Variants in NFIB observed in about 807,000 individuals in gnomAD.
The protein encoded by NFIB is nuclear factor 1 B-type.
In NFIB, 11 loss-of-function variants were observed where a neutral mutation model predicts 61.5. The observed-to-expected ratio is 0.18, with a 90% confidence interval of 0.11 to 0.30. NFIB has a LOEUF of 0.30. Ranked by LOEUF, NFIB falls within the 10% of genes least tolerant of loss-of-function variation. NFIB has a pLI of 1.00. For missense variants in NFIB, 471 were observed against 608.9 expected (o/e 0.77, Z 2.38); for synonymous variants, 260 against 216.5 (o/e 1.20, Z -1.76).
chr9:14,513,281 G>T, the NFIB span, among the ~76,000 whole-genome samples: 43 of 151,870 alleles, frequency 2.8e-4, no homozygotes, highest in Admixed American at 1.2e-3. Flanking sequence ...TCCTAGATTT[G>T]TTTTCCCCAT....
rs150462247 is a variant in NFIB at position 14,240,282 on chromosome 9, T to C, written c.563-60502A>G. Among the ~76,000 whole-genome samples the C allele has an allele frequency of 8.4e-3, 1,275 of 152,184 alleles. 24 individuals are homozygous for C. The highest frequency in any genetic ancestry group is 0.029 in the African/African-American group (1,188 of 41,520). ...CCCTCTCTCTTTCTCTCCCTCTCTC[T>C]CAATAGATAATATTACCCTACTATA... On this transcript the variant is annotated intron_variant, in intron 2 of 10. Transcript: ENST00000380953.
intron 1 of NFIB, among the ~76,000 whole-genome samples, chr9:14,351,636 TTCTG>T (rs1408236603): frequency 1.3e-5 from 2 of 152,226 alleles, no homozygotes; most frequent in African/African-American, 4.8e-5. Context: ...CTCCAGCCCT[TTCTG>T]TCTATCCTAG....
chr9:14,187,011 G>GTGTGTGTGTGTGTA (rs2047412697), intron 2 of NFIB, among the ~76,000 whole-genome samples: 2 of 32,022 alleles, frequency 6.2e-5, no homozygotes. Flanking sequence ...GCTCCTGTGT[G>GTGTGTGTGTGTGTA]TGTGTGTGTG....
chr9:14,376,985 G>A (rs1167638511), intron 1 of NFIB, among the ~76,000 whole-genome samples: 3 of 151,958 alleles, frequency 2.0e-5, no homozygotes, highest in Non-Finnish European at 4.4e-5. Flanking sequence ...TATACTCAAG[G>A]CCAAAATTTC....
At chr9:14,379,512 A>G (rs1271287164) in intron 1 of NFIB, among the ~76,000 whole-genome samples, 2 of 152,202 alleles carry the variant, frequency 1.3e-5, no homozygotes, top group Non-Finnish European at 2.9e-5. Flanking sequence ...AACGAAAATA[A>G]GAATAATGTT....
chr9:14,134,897 C>CAAAAAAAAAAAAAAAAA (rs57014530), intron 6 of NFIB, among the ~76,000 whole-genome samples: 26 of 64,326 alleles, frequency 4.0e-4, no homozygotes, highest in African/African-American at 1.1e-3. Context: ...GACTCTGTCT[C>CAAAAAAAAAAAAAAAAA]AAAAAAAAAA....
the NFIB span, among the ~76,000 whole-genome samples, chr9:14,420,217 A>C: frequency 2.6e-5 from 4 of 151,948 alleles, no homozygotes; most frequent in Admixed American, 2.6e-4. Flanking sequence ...GAGGCCGAGA[A>C]GGGCAGATCA....
intron 2 of NFIB, among the ~76,000 whole-genome samples, chr9:14,289,018 A>G (rs1041951792): frequency 2.0e-5 from 3 of 151,290 alleles, no homozygotes; most frequent in East Asian, 1.9e-4. Flanking sequence ...AAATAAAAGG[A>G]TTTAATATAC....
intron 6 of NFIB, among the ~76,000 whole-genome samples, chr9:14,133,188 TAA>T (rs1563818690): frequency 5.9e-5 from 9 of 151,956 alleles, no homozygotes; most frequent in Non-Finnish European, 5.9e-5. Flanking sequence ...AGATTTTTTT[TAA>T]AAGAGTTTTC....
chr9:14,407,918 C>T, the NFIB span, among the ~76,000 whole-genome samples: 1 of 152,054 alleles, frequency 6.6e-6, no homozygotes, highest in African/African-American at 2.4e-5. Flanking sequence ...AACTCTTGGC[C>T]TCAAGTAATC....
chr9:14,300,102 A>G (rs1009593214), intron 2 of NFIB: 1 of 398,156 alleles, frequency 2.5e-6, no homozygotes. Flanking sequence ...GCCAAATTCT[A>G]ACAACTAAAT....
chr9:14,364,232 T>A (rs1182705868), intron 1 of NFIB, among the ~76,000 whole-genome samples: 5 of 152,120 alleles, frequency 3.3e-5, no homozygotes, highest in Non-Finnish European at 7.4e-5. Context: ...ATCGTGCAAT[T>A]TGGGAATGTC....
chr9:14,284,977 T>C (rs2058616140), intron 2 of NFIB, among the ~76,000 whole-genome samples: 1 of 152,194 alleles, frequency 6.6e-6, no homozygotes, highest in Non-Finnish European at 1.5e-5. Flanking sequence ...GTCTCCTACA[T>C]AAGCAGCATA....
At chr9:14,214,653 G>T (rs1453010269) in intron 2 of NFIB, among the ~76,000 whole-genome samples, 2 of 152,162 alleles carry the variant, frequency 1.3e-5, no homozygotes, top group African/African-American at 4.8e-5. Flanking sequence ...TTAAACACAT[G>T]ATGCTAATTT....
the NFIB span, among the ~76,000 whole-genome samples, chr9:14,503,088 GTATATA>G: frequency 4.1e-4 from 60 of 147,426 alleles, 1 homozygote; most frequent in Non-Finnish European, 4.9e-4. Flanking sequence ...GTATTTTATG[GTATATA>G]TATATATATA....
chr9:14,281,953 T>C (rs1179433675), intron 2 of NFIB, among the ~76,000 whole-genome samples: 1 of 152,176 alleles, frequency 6.6e-6, no homozygotes, highest in Non-Finnish European at 1.5e-5. Flanking sequence ...GTCAAATATC[T>C]GTACTTTAAA....
chr9:14,384,435 G>A (rs1380877902), intron 1 of NFIB, among the ~76,000 whole-genome samples: 4 of 152,082 alleles, frequency 2.6e-5, no homozygotes, highest in African/African-American at 7.2e-5. Context: ...CAGCACTTTC[G>A]AACCTTTCCA....
At chr9:14,137,865 A>G (rs2041243239) in intron 6 of NFIB, among the ~76,000 whole-genome samples, 1 of 152,160 alleles carries the variant, frequency 6.6e-6, no homozygotes, top group Admixed American at 6.6e-5. Context: ...CTGATTTCAG[A>G]GCAAGGACTA....
chr9:14,321,400 G>A (rs2060656828), intron 1 of NFIB, among the ~76,000 whole-genome samples: 1 of 151,942 alleles, frequency 6.6e-6, no homozygotes, highest in African/African-American at 2.4e-5. Flanking sequence ...GGGGATGGGG[G>A]TTAGGACTAA....
Sources: gnomAD v4.1 joint callset for allele counts (sites outside exome capture counted in the v4.1 genomes callset) on GRCh38, gnomAD v4.1.1 for gene constraint, MANE v1.5 for transcripts, NCBI Gene and HGNC (gene_info 2026-07-23, HGNC 2026-07-21) for gene names.